Variants in VPS41 observed in about 807,000 individuals in gnomAD.
VPS41 encodes the protein vacuolar protein sorting-associated protein 41 homolog.
In VPS41, 85 loss-of-function variants were observed where a neutral mutation model predicts 130.9. That is an observed-to-expected ratio of 0.65 (90% confidence interval 0.55 to 0.78). The LOEUF (loss-of-function observed/expected upper bound fraction) is 0.78, where lower values mean the gene tolerates loss of function less well. VPS41 is among the 30% of genes least tolerant of loss of function. The pLI, the probability that VPS41 is intolerant of heterozygous loss-of-function variation, is 0.00. For synonymous variants in VPS41, 335 were observed against 332.9 expected (o/e 1.01, Z -0.07); for missense variants, 874 against 1,018.7 (o/e 0.86, Z 1.93).
chr7:38,737,056 A>G (rs1341129468), intron 25 of VPS41, among the ~76,000 whole-genome samples: 1 of 152,150 alleles, frequency 6.6e-6, no homozygotes, highest in African/African-American at 2.4e-5. Context: ...GTAGCTGGGG[A>G]GAGAATTATC....
rs533761760 is a variant in VPS41 at position 38,778,978 on chromosome 7, G to C, written c.785-2202C>G. Among the ~76,000 whole-genome samples, 4 of 152,252 alleles carry C rather than the reference G, an allele frequency of 2.6e-5. No individual in the cohort carries two copies. The East Asian group carries it at 7.7e-4, about 29-fold the overall frequency. On this transcript the variant is annotated intron_variant, in intron 10 of 28. Transcript: ENST00000310301. ...CATGCCAACTCCCCAGTCCACAATAGCTTGTATGAGTAAGACAGAAAATTT... is the reference window on the plus strand; with the variant it reads ...CATGCCAACTCCCCAGTCCACAATACCTTGTATGAGTAAGACAGAAAATTT...
chr7:38,752,212 G>A lies in VPS41; in HGVS notation c.1890C>T (p.Pro630=), dbSNP rs1204254689. 3.1e-6 allele frequency: 5 copies of A among 1,613,932 alleles called. No individual in the cohort carries two copies. Among genetic ancestry groups the A allele is most frequent in the Middle Eastern group, 1.7e-4 (1 of 6,058 alleles). ...GGCAATGGGTACTGTCTCGGAGAAA[G>A]GGAAGTAAGTTTGGTCGATCATATT... The part of the protein sequence containing the change: ...YAEYDRPNLL[P]FLRDSTHCPL... The change falls in exon 22 of 29, where the codon CCC becomes CCT. Residue 630 remains proline, a synonymous_variant. Transcript: ENST00000310301.
At chr7:38,735,146 G>C (rs554120494) in intron 25 of VPS41, among the ~76,000 whole-genome samples, 1 of 152,172 alleles carries the variant, frequency 6.6e-6, no homozygotes, top group Non-Finnish European at 1.5e-5. Context: ...TCACCTAAAA[G>C]CTGTGATAAG....
chr7:38,891,680 A>C (rs537860244), intron 2 of VPS41, among the ~76,000 whole-genome samples: 1 of 152,358 alleles, frequency 6.6e-6, no homozygotes, highest in African/African-American at 2.4e-5. Context: ...AAAGCTTTTT[A>C]AATTATAAAG....
At chr7:38,752,153 A>C in intron 22 of VPS41, 23 bp downstream of exon 22, 1 of 1,613,248 alleles carries the variant, frequency 6.2e-7, no homozygotes, top group Non-Finnish European at 8.5e-7. Context: ...CAAAGTGTAC[A>C]AGTCGGGGAG....
chr7:38,900,078 T>C (rs2008199), intron 1 of VPS41, among the ~76,000 whole-genome samples: 95,321 of 151,942 alleles, frequency 0.63, 31,362 homozygotes, highest in East Asian at 0.89. Context: ...TGAAACCTCA[T>C]CTCTAGAAAA....
chr7:38,747,600 T>C (rs1387569591), intron 22 of VPS41, among the ~76,000 whole-genome samples: 2 of 152,240 alleles, frequency 1.3e-5, no homozygotes, highest in Non-Finnish European at 2.9e-5. Flanking sequence ...CTTAAGAACA[T>C]GCTAGTCTCA....
chr7:38,847,083 A>T (rs1223512050), intron 4 of VPS41, among the ~76,000 whole-genome samples: 3 of 152,230 alleles, frequency 2.0e-5, no homozygotes, highest in African/African-American at 7.2e-5. Context: ...TAAGCTGTCA[A>T]ATAATCAAAA....
chr7:38,866,945 T>C (rs1374177685), intron 3 of VPS41, among the ~76,000 whole-genome samples: 2 of 152,114 alleles, frequency 1.3e-5, no homozygotes, highest in Admixed American at 6.6e-5. Context: ...AGACAAAACA[T>C]GGCATACCTA....
intron 22 of VPS41, among the ~76,000 whole-genome samples, chr7:38,748,533 C>T (rs1181452006): frequency 6.6e-6 from 1 of 150,602 alleles, no homozygotes; most frequent in Non-Finnish European, 1.5e-5. Context: ...GAAATACTGC[C>T]ACCTTGTGAA....
chr7:38,754,875 T>G lies in VPS41; in HGVS notation c.1737+20A>C, dbSNP rs769565349. The G allele has an allele frequency of 6.2e-7, 1 of 1,612,212 alleles. No homozygotes were observed. The highest frequency in any genetic ancestry group is 8.5e-7 in the Non-Finnish European group (1 of 1,178,534). On this transcript the variant is annotated intron_variant, in intron 20 of 28. Transcript: ENST00000310301. ...CCAGACGTTCATCTGGTAACACATA[T>G]AAAAACAAATGACACTCACTGAAAT...
At chr7:38,896,453 AC>A (rs1206204256) in intron 2 of VPS41, among the ~76,000 whole-genome samples, 1 of 152,214 alleles carries the variant, frequency 6.6e-6, no homozygotes, top group Non-Finnish European at 1.5e-5. Flanking sequence ...AGCTTGTCCA[AC>A]CCATGGCCCG....
intron 2 of VPS41, among the ~76,000 whole-genome samples, chr7:38,895,357 C>T (rs1786960559): frequency 6.6e-6 from 1 of 151,902 alleles, no homozygotes; most frequent in Non-Finnish European, 1.5e-5. Context: ...AAAAAACAAA[C>T]CACGTTAAGG....
At chr7:38,739,730 A>G (rs1322625122) in intron 25 of VPS41, among the ~76,000 whole-genome samples, 1 of 151,962 alleles carries the variant, frequency 6.6e-6, no homozygotes, top group Non-Finnish European at 1.5e-5. Context: ...TCTCTCCCTC[A>G]CCCTCTGAGA....
chr7:38,894,100 G>A (rs2116425274), intron 2 of VPS41, among the ~76,000 whole-genome samples: 1 of 152,208 alleles, frequency 6.6e-6, no homozygotes, highest in East Asian at 1.9e-4. Context: ...ATAAGGAAAA[G>A]GTAGAAATAT....
At chr7:38,810,939 C>A (rs1203939275) in intron 7 of VPS41, among the ~76,000 whole-genome samples, 1 of 152,080 alleles carries the variant, frequency 6.6e-6, no homozygotes, top group African/African-American at 2.4e-5. Flanking sequence ...AAAATTGCAG[C>A]TGAAAGGATT....
chr7:38,726,447 T>A, intron 28 of VPS41, 121 bp from the exon 29 acceptor site: 1 of 716,656 alleles, frequency 1.4e-6, no homozygotes, highest in African/African-American at 1.8e-5. Flanking sequence ...ATGGCACTCC[T>A]TTCTCTGGAG....
chr7:38,817,137 A>T (rs1004142682), intron 7 of VPS41, among the ~76,000 whole-genome samples: 4 of 152,172 alleles, frequency 2.6e-5, no homozygotes, highest in African/African-American at 9.7e-5. Context: ...AAGTTTATCA[A>T]GGCCCGCAAG....
chr7:38,848,375 G>A (rs1298366849), intron 4 of VPS41, among the ~76,000 whole-genome samples: 2 of 152,138 alleles, frequency 1.3e-5, no homozygotes, highest in Admixed American at 6.5e-5. Flanking sequence ...TGGGTGTGTC[G>A]CAGAAGCTTC....
Sources: gnomAD v4.1 joint callset for allele counts (sites outside exome capture counted in the v4.1 genomes callset) on GRCh38, gnomAD v4.1.1 for gene constraint, MANE v1.5 for transcripts, NCBI Gene and HGNC (gene_info 2026-07-23, HGNC 2026-07-21) for gene names.